Variants in OPCML observed in about 807,000 individuals in gnomAD.
The protein encoded by OPCML is opioid binding protein/cell adhesion molecule like, also known as opioid-binding protein/cell adhesion molecule.
In OPCML, 13 loss-of-function variants were observed where a neutral mutation model predicts 37.8. The ratio of observed to expected loss-of-function variants is 0.34; its 90% confidence interval spans 0.22 to 0.55. The LOEUF is 0.55. Among genes scored for constraint, OPCML ranks in the 20% least tolerant of loss-of-function variants. The pLI is 0.91. For missense variants in OPCML, 341 were observed against 435.6 expected, an observed-to-expected ratio of 0.78 and a Z score of 1.93; for synonymous variants, 176 against 168.8, an observed-to-expected ratio of 1.04 and a Z score of -0.33.
chr11:133,171,981 A>G (rs1049658538), intron 1 of OPCML, among the ~76,000 whole-genome samples: 3 of 152,216 alleles, frequency 2.0e-5, no homozygotes, highest in East Asian at 3.9e-4. Flanking sequence ...CTTCCATAGC[A>G]TGTGAATCAT....
chr11:132,643,425 C>T (rs1008638427), intron 3 of OPCML, among the ~76,000 whole-genome samples: 1 of 152,110 alleles, frequency 6.6e-6, no homozygotes, highest in Non-Finnish European at 1.5e-5. Flanking sequence ...GGGCTTGCAC[C>T]GGGAGGGCTG....
chr11:133,055,173 A>C (rs1948207415), intron 1 of OPCML, among the ~76,000 whole-genome samples: 1 of 144,956 alleles, frequency 6.9e-6, no homozygotes, highest in African/African-American at 2.6e-5. Context: ...CTACCATATA[A>C]TGCTGCCTCC....
intron 2 of OPCML, among the ~76,000 whole-genome samples, chr11:132,722,171 G>A (rs1468914351): frequency 6.6e-6 from 1 of 151,484 alleles, no homozygotes; most frequent in African/African-American, 2.4e-5. Flanking sequence ...TAGCCAGGAT[G>A]GTCTTGATCT....
chr11:133,095,122 A>G (rs529326615), intron 1 of OPCML, among the ~76,000 whole-genome samples: 4 of 152,092 alleles, frequency 2.6e-5, no homozygotes, highest in Middle Eastern at 3.4e-3. Flanking sequence ...TTAATCATGT[A>G]GCTGTTCTAT....
chr11:132,513,262 C>T (rs2096272698), intron 4 of OPCML, among the ~76,000 whole-genome samples: 1 of 152,036 alleles, frequency 6.6e-6, no homozygotes, highest in African/African-American at 2.4e-5. Flanking sequence ...GCATAGAATT[C>T]TCATGGAATG....
At chr11:133,385,120 T>C (rs1945017280) in intron 1 of OPCML, among the ~76,000 whole-genome samples, 1 of 152,170 alleles carries the variant, frequency 6.6e-6, no homozygotes, top group Admixed American at 6.5e-5. Context: ...GAGGCAGTGA[T>C]GCCACACTCT....
intron 4 of OPCML, among the ~76,000 whole-genome samples, chr11:132,479,340 G>C (rs1157160149): frequency 6.6e-6 from 1 of 152,196 alleles, no homozygotes; most frequent in African/African-American, 2.4e-5. Context: ...GGATCACCAG[G>C]ATATTATATC....
chr11:133,102,235 A>T (rs1194359076), intron 1 of OPCML, among the ~76,000 whole-genome samples: 1 of 152,248 alleles, frequency 6.6e-6, no homozygotes, highest in East Asian at 1.9e-4. Context: ...AATCAATTTT[A>T]TGAAATCTAC....
intron 2 of OPCML, among the ~76,000 whole-genome samples, chr11:132,935,234 T>A (rs1387567336): frequency 6.6e-6 from 1 of 151,894 alleles, no homozygotes. Context: ...CATTCAGAAA[T>A]ATCTTTGAGA....
At chr11:132,976,542 G>A (rs888751870) in intron 1 of OPCML, among the ~76,000 whole-genome samples, 2 of 152,168 alleles carry the variant, frequency 1.3e-5, no homozygotes, top group African/African-American at 4.8e-5. Flanking sequence ...CCAGTTCCAA[G>A]CTCCCATCAG....
chr11:133,493,253 G>A lies in OPCML; in HGVS notation c.61+39011C>T, dbSNP rs1947705181. ...CCAGCCTGCTTAAGCCTGGAGCCTT[G>A]CACGCCGGGCAGGCCTCAGGGGCCA... On this transcript the variant is annotated intron_variant, in intron 1 of 7. Transcript: ENST00000524381. Among the ~76,000 whole-genome samples, 4 of 152,222 alleles carry A rather than the reference G, an allele frequency of 2.6e-5. No individual in the cohort carries two copies. The South Asian group carries it at 8.3e-4, about 31-fold the overall frequency.
At chr11:133,081,061 A>G (rs1252247537) in intron 1 of OPCML, among the ~76,000 whole-genome samples, 1 of 152,144 alleles carries the variant, frequency 6.6e-6, no homozygotes, top group Non-Finnish European at 1.5e-5. Context: ...AAGTGTTAGA[A>G]TTGGAAGGAC....
intron 1 of OPCML, among the ~76,000 whole-genome samples, chr11:133,193,942 A>G (rs368819047): frequency 6.6e-6 from 1 of 152,336 alleles, no homozygotes; most frequent in Non-Finnish European, 1.5e-5. Context: ...AACACTTAGA[A>G]CAATACAAGC....
chr11:133,153,743 A>C (rs1160464354), intron 1 of OPCML, among the ~76,000 whole-genome samples: 1 of 150,976 alleles, frequency 6.6e-6, no homozygotes, highest in Admixed American at 6.6e-5. Flanking sequence ...AAACCGGAGA[A>C]ATAAGGGAAG....
chr11:133,096,561 C>G (rs1949006818), intron 1 of OPCML, among the ~76,000 whole-genome samples: 1 of 151,950 alleles, frequency 6.6e-6, no homozygotes, highest in Non-Finnish European at 1.5e-5. Flanking sequence ...CATCAATGGT[C>G]TGAAAACATC....
At chr11:133,163,236 C>T (rs1950167754) in intron 1 of OPCML, among the ~76,000 whole-genome samples, 1 of 152,194 alleles carries the variant, frequency 6.6e-6, no homozygotes, top group Non-Finnish European at 1.5e-5. Flanking sequence ...TTGGGGGCAG[C>T]ATGTTACACC....
At chr11:133,340,493 C>T (rs534814476) in intron 1 of OPCML, among the ~76,000 whole-genome samples, 1 of 150,866 alleles carries the variant, frequency 6.6e-6, no homozygotes, top group African/African-American at 2.5e-5. Flanking sequence ...ACTATTCTAG[C>T]CCACAAATTA....
At chr11:133,060,506 G>T (rs763457865) in intron 1 of OPCML, among the ~76,000 whole-genome samples, 2 of 152,178 alleles carry the variant, frequency 1.3e-5, no homozygotes, top group African/African-American at 2.4e-5. Flanking sequence ...TCTGTCCCAC[G>T]CTCAGGACAA....
chr11:132,731,208 G>A (rs1289666263), intron 2 of OPCML, among the ~76,000 whole-genome samples: 2 of 152,200 alleles, frequency 1.3e-5, no homozygotes, highest in Admixed American at 1.3e-4. Context: ...CTCATGTCTA[G>A]TGGCTACTGC....
Sources: gnomAD v4.1 joint callset for allele counts (sites outside exome capture counted in the v4.1 genomes callset) on GRCh38, gnomAD v4.1.1 for gene constraint, MANE v1.5 for transcripts, NCBI Gene and HGNC (gene_info 2026-07-23, HGNC 2026-07-21) for gene names.